The following DYRK2 variants were observed in gnomAD, a reference collection of about 807,000 sequenced individuals.
DYRK2 encodes dual specificity tyrosine-phosphorylation-regulated kinase 2.
Under a neutral mutation model 41.6 loss-of-function variants are expected in DYRK2, and 12 were observed. That is an observed-to-expected ratio of 0.29 (90% CI 0.18 to 0.47). The LOEUF is 0.47. Ranked by LOEUF, DYRK2 falls within the 20% of genes least tolerant of loss-of-function variation. DYRK2 has a pLI of 1.00. For missense variants in DYRK2, 678 were observed against 798.4 expected, an observed-to-expected ratio of 0.85 and a Z score of 1.82; for synonymous variants, 322 against 315.7, an observed-to-expected ratio of 1.02 and a Z score of -0.21.
At chr12:67,653,171 T>C (rs532389395) in intron 2 of DYRK2, among the ~76,000 whole-genome samples, 2 of 152,280 alleles carry the variant, frequency 1.3e-5, no homozygotes, top group East Asian at 1.9e-4. Context: ...GTGCTATACA[T>C]TGGCATATCG....
In DYRK2 at chr12:67,649,091, G is replaced by GCGGCGA. The variant is rs751270514; in HGVS notation, c.-38_-33dup. On this transcript the variant is annotated 5_prime_UTR_variant, in exon 1 of 3. Transcript: ENST00000344096. ...GCCAGAAGTAGCAGCAGGACCGGCGGCGGCGACGGCAGCCCTGAAATGCAT... is the reference window on the plus strand; with the variant it reads ...GCCAGAAGTAGCAGCAGGACCGGCGGCGGCGACGGCGACGGCAGCCCTGAAATGCAT... 2 of 1,464,754 alleles carry GCGGCGA rather than the reference G, an allele frequency of 1.4e-6. No homozygotes were observed. Among genetic ancestry groups the GCGGCGA allele is most frequent in the Non-Finnish European group, 1.8e-6 (2 of 1,101,010 alleles). The allele number at this position is 1,464,754 out of a possible 1,614,324, so 90.7% of individuals were successfully genotyped here.
At chr12:67,656,918 A>G (rs1872485669) in intron 2 of DYRK2, among the ~76,000 whole-genome samples, 188 bp from the exon 3 acceptor site, 2 of 152,166 alleles carry the variant, frequency 1.3e-5, no homozygotes, top group East Asian at 3.9e-4. Context: ...ACAGCAAACC[A>G]TCTTGTCTGT....
rs144549473 is a variant in DYRK2 at position 67,658,029 on chromosome 12, C to T, written c.1122C>T (p.Tyr374=). ...IKVIDFGSSC[Y]EHQRVYTYIQ... is the part of the protein sequence containing the mutation. ...TAATTGATTTTGGCTCCAGTTGTTACGAGCATCAGCGTGTCTACACGTACA... is the reference window on the plus strand; with the variant it reads ...TAATTGATTTTGGCTCCAGTTGTTATGAGCATCAGCGTGTCTACACGTACA... The change falls in exon 3 of 3, where the codon TAC becomes TAT. Residue 374 remains tyrosine (Y), a synonymous_variant. Coordinates refer to ENST00000344096, the MANE Select transcript of DYRK2 (RefSeq NM_006482.3). This position sits in a 1 kb window ranked among gnomAD's most constrained non-coding sequence, Gnocchi z 4.3. 26 of 1,614,212 alleles carry T rather than the reference C, an allele frequency of 1.6e-5. No individual in the cohort carries two copies. Among genetic ancestry groups the T allele is most frequent in the South Asian group, 6.6e-5 (6 of 91,074 alleles).
At chr12:67,654,006 T>C (rs1872397957) in intron 2 of DYRK2, among the ~76,000 whole-genome samples, 1 of 152,242 alleles carries the variant, frequency 6.6e-6, no homozygotes, top group Admixed American at 6.5e-5. Flanking sequence ...TTTACACATA[T>C]TACCTTATTT....
chr12:67,662,673 C>A lies in DYRK2; in HGVS notation c.*3960C>A, dbSNP rs1361733986. 1 of 165,798 alleles carries A rather than the reference C, an allele frequency of 6.0e-6. No homozygotes were observed. The highest frequency in any genetic ancestry group is 1.5e-5 in the Non-Finnish European group (1 of 68,066). The allele number at this position is 165,798 out of a possible 1,614,324, so 10.3% of individuals were successfully genotyped here. A position where few individuals can be genotyped will look rare whatever the true frequency, so the allele number is the denominator to read the frequency against. ...TTTAATGTCCTACCTTACTTCTCTCCCCTTTCTAACTATAATTTAACTCCT... is the reference window on the plus strand; with the variant it reads ...TTTAATGTCCTACCTTACTTCTCTCACCTTTCTAACTATAATTTAACTCCT... On this transcript the variant is annotated 3_prime_UTR_variant, in exon 3 of 3. Transcript: ENST00000344096.
chr12:67,652,579 T>C (rs2120816711), intron 2 of DYRK2: 1 of 152,276 alleles, frequency 6.6e-6, no homozygotes, highest in East Asian at 1.9e-4. Flanking sequence ...ACCATAATAC[T>C]ATACAGCATT....
chr12:67,655,702 A>G (rs576464111), intron 2 of DYRK2, among the ~76,000 whole-genome samples: 1 of 152,352 alleles, frequency 6.6e-6, no homozygotes, highest in South Asian at 2.1e-4. Context: ...CACACTCCAC[A>G]TAGTCATTGT....
rs767374498 is a variant in DYRK2 at position 67,660,460 on chromosome 12, C to A, written c.*1747C>A. 1.1e-3 allele frequency: 177 copies of A among 166,604 alleles called. 1 individual carries two copies. Among genetic ancestry groups the A allele is most frequent in the Non-Finnish European group, 6.6e-4 (45 of 67,988 alleles). 10.3% of individuals were successfully genotyped at this position (166,604 alleles called of 1,614,324 possible). On this transcript the variant is annotated 3_prime_UTR_variant, in exon 3 of 3. Transcript: ENST00000344096. ...AATATTTCAGATATTTGCCAAAAAA[C>A]CAGTAATAAGGTTACCTTATTAAAA...
At chr12:67,650,091 A>C (rs2120806863) in intron 2 of DYRK2, 146 bp downstream of exon 2, 1 of 929,764 alleles carries the variant, frequency 1.1e-6, no homozygotes, top group East Asian at 3.3e-5. Flanking sequence ...TCTCTCGTCG[A>C]CGCCGCCCTG....
chr12:67,655,937 T>C (rs2120828931), intron 2 of DYRK2, among the ~76,000 whole-genome samples: 1 of 152,334 alleles, frequency 6.6e-6, no homozygotes, highest in South Asian at 2.1e-4. Context: ...ATCTAGTTAA[T>C]TGTAAGTTCC....
Position 67,657,215 on chromosome 12 carries a change from T to G in DYRK2, c.308T>G (p.Val103Gly). Reference protein sequence around the residue: ...LFEDNSNKRTVLTTQPNGLTT... With the variant: ...LFEDNSNKRTGLTTQPNGLTT... ...GAGGATAACAGTAACAAGCGGACAG[T>G]GCTCACGACACAACCAAATGGGCTT... Residue 103 changes from valine to glycine, a missense_variant, in exon 3 of 3, where the codon GTG becomes GGG. Physicochemically the swap from Val to Gly is moderately radical, Grantham distance 109 (BLOSUM62 -3). Around this residue, in one of 2 missense-constraint regions of DYRK2, gnomAD observed 285 missense variants for 279.2 expected, o/e 1.02. Transcript: ENST00000344096. The surrounding 1 kb of genome is among the most constrained non-coding windows in gnomAD (Gnocchi z 4.8). The G allele has an allele frequency of 3.1e-6, 5 of 1,614,102 alleles. No homozygotes were observed. Among genetic ancestry groups the G allele is most frequent in the Non-Finnish European group, 4.2e-6 (5 of 1,180,012 alleles).
chr12:67,661,542 A>G lies in DYRK2; in HGVS notation c.*2829A>G, dbSNP rs932153976. 1.2e-5 allele frequency: 2 copies of G among 167,080 alleles called. No individual in the cohort carries two copies. The highest frequency in any genetic ancestry group is 4.8e-5 in the African/African-American group (2 of 41,452). 10.3% of individuals were successfully genotyped at this position (167,080 alleles called of 1,614,324 possible). The stretch of plus-strand genomic sequence containing the variant: ...GTTAACAATGTGCCTTTTGTTCTGA[A>G]TGCCATGTTGTAGGGCATGCATTTT... On this transcript the variant is annotated 3_prime_UTR_variant, in exon 3 of 3. Coordinates refer to ENST00000344096, the MANE Select transcript of DYRK2 (RefSeq NM_006482.3).
Position 67,658,447 on chromosome 12 carries a change from CAG to C in DYRK2, c.1541_1542del (p.Gln514LeufsTer41). On this transcript the variant is annotated frameshift_variant, in exon 3 of 3. Coordinates refer to ENST00000344096, the MANE Select transcript of DYRK2 (RefSeq NM_006482.3). LOFTEE classifies it high-confidence loss of function. This position sits in a 1 kb window ranked among gnomAD's most constrained non-coding sequence, Gnocchi z 4.3. Reference protein sequence around the residue: ...DDPLFLDFLKQCLEWDPAVRM... With the variant: ...DDPLFLDFLKXCLEWDPAVRM... ...TCCCCTTTTCCTTGACTTCTTAAAA[CAG>C]TGTTTAGAGTGGGATCCTGCAGTGC... 6.3e-7 allele frequency: 1 copy of C among 1,593,228 alleles called. No individual in the cohort carries two copies. The highest frequency in any genetic ancestry group is 8.5e-7 in the Non-Finnish European group (1 of 1,170,040).
chr12:67,658,817 T>A lies in DYRK2; in HGVS notation c.*104T>A. ...CCTGTTTTTATTTGCTCAATAACTC[T>A]ACTCATTTGTATCTTTTCAGCACTT... On this transcript the variant is annotated 3_prime_UTR_variant, in exon 3 of 3. Coordinates refer to ENST00000344096, the MANE Select transcript of DYRK2 (RefSeq NM_006482.3). This position sits in a 1 kb window ranked among gnomAD's most constrained non-coding sequence, Gnocchi z 4.3. The A allele has an allele frequency of 8.0e-7, 1 of 1,244,482 alleles. No homozygotes were observed. The highest frequency in any genetic ancestry group is 1.1e-6 in the Non-Finnish European group (1 of 907,210). 77.1% of individuals were successfully genotyped at this position (1,244,482 alleles called of 1,614,324 possible).
chr12:67,655,073 T>C (rs976625202), intron 2 of DYRK2, among the ~76,000 whole-genome samples: 3 of 152,214 alleles, frequency 2.0e-5, no homozygotes, highest in African/African-American at 7.2e-5. Flanking sequence ...CTTGTCAGTC[T>C]CGTTAGTTTT....
intron 2 of DYRK2, among the ~76,000 whole-genome samples, chr12:67,653,275 C>T (rs912130068): frequency 2.0e-5 from 3 of 152,146 alleles, no homozygotes; most frequent in African/African-American, 4.8e-5. Context: ...CATACGTATT[C>T]TGGAAATGTT....
At chr12:67,654,108 G>A (rs1178664131) in intron 2 of DYRK2, among the ~76,000 whole-genome samples, 1 of 152,170 alleles carries the variant, frequency 6.6e-6, no homozygotes, top group Non-Finnish European at 1.5e-5. Context: ...AAGTTGCCCT[G>A]GGTCACACAT....
chr12:67,651,688 G>A, intron 2 of DYRK2: 1 of 452,842 alleles, frequency 2.2e-6, no homozygotes, highest in Non-Finnish European at 4.4e-6. Flanking sequence ...TGGTGGTTTA[G>A]TTTTGATTTT....
chr12:67,649,540 G>T (rs1321248011), intron 1 of DYRK2: 16 of 388,920 alleles, frequency 4.1e-5, no homozygotes, highest in South Asian at 1.4e-4. Context: ...GGGCCGCCTA[G>T]CCCCGGCGCG....
Sources: gnomAD v4.1 joint callset for allele counts (sites outside exome capture counted in the v4.1 genomes callset) on GRCh38, gnomAD v4.1.1 for gene constraint, gnomAD v4.1.1 regional missense constraint, Gnocchi (gnomAD v3.1) non-coding constraint, MANE v1.5 for transcripts, NCBI Gene and HGNC (gene_info 2026-07-23, HGNC 2026-07-21) for gene names.